The following COL24A1 variants were observed in gnomAD, a reference collection of about 807,000 sequenced individuals.
The protein encoded by COL24A1 is collagen type XXIV alpha 1 chain, also known as collagen alpha-1(XXIV) chain.
A neutral mutation model predicts 253.9 loss-of-function variants in COL24A1; 224 were observed. The ratio of observed to expected loss-of-function variants is 0.88; its 90% CI spans 0.79 to 0.99. The LOEUF (loss-of-function observed/expected upper bound fraction) is 0.99, where lower values mean the gene tolerates loss of function less well. Among genes scored for constraint, COL24A1 ranks in the 50% least tolerant of loss-of-function variants. COL24A1 has a pLI of 0.00. For synonymous variants in COL24A1, 685 were observed against 673.7 expected (o/e 1.02, Z -0.26); for missense variants, 2,131 against 2,068.5 (o/e 1.03, Z -0.59).
rs78085794 is a variant in COL24A1, at chr1:85,899,925, C to T, written c.2779-3516G>A. On this transcript the variant is annotated intron_variant, in intron 28 of 59. Transcript: ENST00000370571. ...GTCTAACTGTACAAAGACTGAACGA[C>T]TGTGCTTTATTAAGTTTATAATATT... is the stretch of plus-strand genomic sequence containing the variant. Among the ~76,000 whole-genome samples the T allele has an allele frequency of 7.2e-4, 110 of 152,238 alleles. No homozygotes were observed. The East Asian group carries it at 0.017, about 24-fold the overall frequency.
Position 85,935,815 on chromosome 1 carries a change from T to C in COL24A1, c.2563-24382A>G, listed in dbSNP as rs527262394. Among the ~76,000 whole-genome samples, 8 of 147,268 alleles carry C rather than the reference T, an allele frequency of 5.4e-5. 1 individual carries two copies. The highest frequency in any genetic ancestry group is 4.1e-4 in the Admixed American group (6 of 14,692). On this transcript the variant is annotated intron_variant, in intron 24 of 59. Transcript: ENST00000370571. ...AGATAACATACGTAGAATGAATGAG[T>C]GAACAACTTAGAGCAGTAGTGGTGG...
chr1:85,937,378 A>T lies in COL24A1; in HGVS notation c.2562+23871T>A, dbSNP rs1227824977. Among the ~76,000 whole-genome samples the T allele has an allele frequency of 1.4e-5, 2 of 147,724 alleles. 1 individual carries two copies. The highest frequency in any genetic ancestry group is 3.0e-5 in the Non-Finnish European group (2 of 66,758). On this transcript the variant is annotated intron_variant, in intron 24 of 59. Coordinates refer to ENST00000370571, the MANE Select transcript of COL24A1 (RefSeq NM_152890.7). ...ACCTGGCTGGTTGATTAGGCACCTA[A>T]AAGGAAGAATATTGTAAGACTGGGG...
chr1:85,952,612 G>A (rs1156844540), intron 24 of COL24A1, among the ~76,000 whole-genome samples: 2 of 152,130 alleles, frequency 1.3e-5, no homozygotes, highest in African/African-American at 4.8e-5. Context: ...TAACCTTCCA[G>A]GACAGGAAAG....
At chr1:86,140,596 A>C (rs965184419) in intron 2 of COL24A1, among the ~76,000 whole-genome samples, 2 of 152,210 alleles carry the variant, frequency 1.3e-5, no homozygotes, top group African/African-American at 2.4e-5. Flanking sequence ...TATTCTACAC[A>C]GAGATTTTTA....
At chr1:85,896,623 G>A (rs1683763930) in intron 28 of COL24A1, among the ~76,000 whole-genome samples, 1 of 151,916 alleles carries the variant, frequency 6.6e-6, no homozygotes, top group African/African-American at 2.4e-5. Flanking sequence ...GCCTCCCCCT[G>A]AGTAGCTGGG....
intron 7 of COL24A1, among the ~76,000 whole-genome samples, chr1:86,076,021 A>G (rs1032705999): frequency 9.8e-5 from 15 of 152,330 alleles, no homozygotes; most frequent in Non-Finnish European, 1.6e-4. Context: ...TCTATTCAAC[A>G]TAGTATTAGA....
intron 24 of COL24A1, among the ~76,000 whole-genome samples, chr1:85,960,320 T>G (rs1358935911): frequency 2.0e-5 from 3 of 152,200 alleles, no homozygotes; most frequent in Non-Finnish European, 4.4e-5. Context: ...TTTTCCACTT[T>G]ATGTATGTTA....
chr1:86,150,348 T>C (rs564744854), intron 1 of COL24A1, among the ~76,000 whole-genome samples: 6 of 152,316 alleles, frequency 3.9e-5, no homozygotes, highest in African/African-American at 1.4e-4. Flanking sequence ...AGTGTACCCA[T>C]GTGTTACATG....
intron 59 of COL24A1, among the ~76,000 whole-genome samples, chr1:85,732,462 CTTG>C (rs1044765085): frequency 2.0e-5 from 3 of 151,854 alleles, no homozygotes; most frequent in African/African-American, 7.3e-5. Context: ...ATCTCCTGAT[CTTG>C]TTATCTGCCT....
intron 53 of COL24A1, among the ~76,000 whole-genome samples, chr1:85,767,071 TCC>T (rs1667456494): frequency 6.6e-6 from 1 of 151,504 alleles, no homozygotes; most frequent in Non-Finnish European, 1.5e-5. Flanking sequence ...GCCACTGCAC[TCC>T]AGCCTGGGTG....
At chr1:86,142,540 AC>A (rs1651294798) in intron 2 of COL24A1, among the ~76,000 whole-genome samples, 4 of 149,886 alleles carry the variant, frequency 2.7e-5, no homozygotes, top group East Asian at 2.0e-4. Context: ...AAAACAAAAA[AC>A]AAAAAACAAA....
chr1:85,784,408 T>C (rs1186504106), intron 48 of COL24A1, 42 bp from the exon 49 acceptor site: 4 of 1,435,650 alleles, frequency 2.8e-6, no homozygotes, highest in East Asian at 2.3e-5. Context: ...CATCAGAACA[T>C]ATAAACATAT....
intron 47 of COL24A1, among the ~76,000 whole-genome samples, chr1:85,805,607 T>A (rs967540424): frequency 2.6e-5 from 4 of 152,206 alleles, no homozygotes; most frequent in Non-Finnish European, 5.9e-5. Context: ...AGAAATTACT[T>A]AATTTCTCAG....
chr1:86,008,422 T>C (rs1008435976), intron 19 of COL24A1, among the ~76,000 whole-genome samples: 1 of 152,116 alleles, frequency 6.6e-6, no homozygotes, highest in South Asian at 2.1e-4. Context: ...TTTTTGTGTC[T>C]TTTTTGTAGA....
In COL24A1 at chr1:85,847,677, A is replaced by G. The variant is rs2102308228; in HGVS notation, c.3450T>C (p.Thr1150=). ...GKSGPKGARG[T]RGAVGHLGLM... is the part of the protein sequence containing the mutation. ...GTCAAATACTGACCACAGCACCTCT[A>G]GTTCCTCTGGCACCCTTAGGACCAC... Residue 1150 remains threonine, a synonymous_variant, in exon 39 of 60, where the codon ACT becomes ACC. Transcript: ENST00000370571. 3 of 1,613,100 alleles carry G rather than the reference A, an allele frequency of 1.9e-6. No individual in the cohort carries two copies. The highest frequency in any genetic ancestry group is 2.5e-6 in the Non-Finnish European group (3 of 1,179,310).
In COL24A1 at chr1:85,875,041, C is replaced by A. The variant is rs575715241; in HGVS notation, c.3084+236G>T. ...AGGACAGTTTCATCCTGAAACCATC[C>A]CCTGCTCTGCTTCCATCTGTGGAAA... On this transcript the variant is annotated intron_variant, in intron 34 of 59. Coordinates refer to ENST00000370571, the MANE Select transcript of COL24A1 (RefSeq NM_152890.7). Among the ~76,000 whole-genome samples, 13 of 152,290 alleles carry A rather than the reference C, an allele frequency of 8.5e-5. No individual in the cohort carries two copies. The South Asian group carries it at 2.3e-3, about 27-fold the overall frequency.
chr1:85,953,018 T>G (rs1216876507), intron 24 of COL24A1, among the ~76,000 whole-genome samples: 2 of 152,160 alleles, frequency 1.3e-5, no homozygotes, highest in African/African-American at 2.4e-5. Flanking sequence ...CCTTTACCTT[T>G]GCCCCTTCCA....
In COL24A1 at chr1:86,131,867, G is replaced by A. The variant is rs559323604; in HGVS notation, c.122-5653C>T. Among the ~76,000 whole-genome samples the A allele has an allele frequency of 2.6e-3, 390 of 152,198 alleles. 2 individuals carry two copies. The highest frequency in any genetic ancestry group is 8.8e-3 in the African/African-American group (366 of 41,512). ...AGCAGCATGATTTATAATCTTTTGGGTATATACCCAGTAATGGGATGGCTG... is the reference window on the plus strand; with the variant it reads ...AGCAGCATGATTTATAATCTTTTGGATATATACCCAGTAATGGGATGGCTG... On this transcript the variant is annotated intron_variant, in intron 2 of 59. Coordinates refer to ENST00000370571, the MANE Select transcript of COL24A1 (RefSeq NM_152890.7).
chr1:85,734,414 C>T (rs931332788), intron 59 of COL24A1, among the ~76,000 whole-genome samples: 5 of 152,172 alleles, frequency 3.3e-5, no homozygotes, highest in African/African-American at 1.2e-4. Flanking sequence ...TATCCAAATA[C>T]ACTATCTATT....
Sources: allele counts gnomAD v4.1 joint callset (sites outside exome capture counted in the v4.1 genomes callset), GRCh38; gene constraint gnomAD v4.1.1; transcripts MANE v1.5; gene names NCBI Gene and HGNC (gene_info 2026-07-23, HGNC 2026-07-21).